Variants in FLI1 observed in about 807,000 individuals in gnomAD.
The protein encoded by FLI1 is Friend leukemia integration 1 transcription factor.
In FLI1, 13 loss-of-function variants were observed where a neutral mutation model predicts 53.1. That is an observed-to-expected ratio of 0.24 (90% CI 0.16 to 0.39). The LOEUF is 0.39. FLI1 is among the 10% of genes least tolerant of loss of function. FLI1 has a pLI of 1.00. For missense variants in FLI1, 424 were observed against 600.5 expected, an observed-to-expected ratio of 0.71 and a Z score of 3.07; for synonymous variants, 244 against 236.7, an observed-to-expected ratio of 1.03 and a Z score of -0.28.
At chr11:128,722,493 A>T (rs553731614) in intron 1 of FLI1, among the ~76,000 whole-genome samples, 11 of 152,266 alleles carry the variant, frequency 7.2e-5, no homozygotes, top group African/African-American at 2.4e-4. Flanking sequence ...GCCAGCAAAC[A>T]CTGCAGGATT....
intron 2 of FLI1, among the ~76,000 whole-genome samples, chr11:128,763,021 G>A (rs894834248): frequency 1.3e-5 from 2 of 152,102 alleles, no homozygotes; most frequent in Non-Finnish European, 2.9e-5. Context: ...GGACAGTGCT[G>A]GGCCATGGTG....
chr11:128,686,738 C>T, intron 1 of FLI1: 1 of 319,424 alleles, frequency 3.1e-6, no homozygotes, highest in East Asian at 8.5e-5. Flanking sequence ...GGTGATGACC[C>T]CCAGCTTCTA....
chr11:128,792,652 G>A (rs560428176), intron 5 of FLI1, among the ~76,000 whole-genome samples: 6 of 145,172 alleles, frequency 4.1e-5, no homozygotes, highest in Admixed American at 2.7e-4. Context: ...AGCATCATTT[G>A]TGGTGGTTTC....
chr11:128,723,398 G>T (rs1939337844), intron 1 of FLI1, among the ~76,000 whole-genome samples: 1 of 152,162 alleles, frequency 6.6e-6, no homozygotes, highest in Non-Finnish European at 1.5e-5. Flanking sequence ...GTCTCCAGGT[G>T]ATGAGTCAAT....
chr11:128,691,074 C>T (rs1027775150), upstream of FLI1, among the ~76,000 whole-genome samples: 2 of 152,136 alleles, frequency 1.3e-5, no homozygotes, highest in Admixed American at 6.6e-5. Context: ...GAGGTCTGCC[C>T]CACTAACACA....
chr11:128,720,011 T>G (rs1344241533), intron 1 of FLI1, among the ~76,000 whole-genome samples: 1 of 152,200 alleles, frequency 6.6e-6, no homozygotes, highest in Non-Finnish European at 1.5e-5. Context: ...GTATAAAATT[T>G]AAAACGTATA....
chr11:128,686,478 C>G (rs1308979594), upstream of FLI1: 1 of 456,478 alleles, frequency 2.2e-6, no homozygotes. Context: ...TGCTCAACAC[C>G]CAACCACTCG....
intron 3 of FLI1, among the ~76,000 whole-genome samples, chr11:128,770,808 C>T (rs1029984622): frequency 6.6e-6 from 1 of 152,184 alleles, no homozygotes; most frequent in African/African-American, 2.4e-5. Flanking sequence ...AAATTATTTC[C>T]ATTTGCCAAT....
intron 1 of FLI1, among the ~76,000 whole-genome samples, chr11:128,698,517 G>A (rs1938183110): frequency 6.6e-6 from 1 of 152,140 alleles, no homozygotes; most frequent in African/African-American, 2.4e-5. Flanking sequence ...CTTTATGGGT[G>A]GGGAAACTGA....
At chr11:128,791,016 T>G (rs1308155075) in intron 5 of FLI1, among the ~76,000 whole-genome samples, 1 of 151,946 alleles carries the variant, frequency 6.6e-6, no homozygotes, top group African/African-American at 2.4e-5. Context: ...TCCTGGGGTT[T>G]CTTTTAATTA....
intron 1 of FLI1, among the ~76,000 whole-genome samples, chr11:128,713,385 T>G (rs956794923): frequency 1.3e-5 from 2 of 152,376 alleles, no homozygotes; most frequent in African/African-American, 4.8e-5. Flanking sequence ...TGTTGTTTTT[T>G]CAAATTGCAT....
chr11:128,758,683 G>T (rs920910657), intron 2 of FLI1, among the ~76,000 whole-genome samples: 3 of 152,244 alleles, frequency 2.0e-5, no homozygotes, highest in Admixed American at 1.3e-4. Context: ...TCCCTGTCCT[G>T]TTGAAGATAC....
intron 1 of FLI1, among the ~76,000 whole-genome samples, chr11:128,730,235 T>G (rs1256350118): frequency 6.6e-6 from 1 of 152,212 alleles, no homozygotes; most frequent in Non-Finnish European, 1.5e-5. Flanking sequence ...TCTCATTCCA[T>G]CCTCACAACC....
intron 8 of FLI1, among the ~76,000 whole-genome samples, chr11:128,809,746 C>T (rs12574335): frequency 0.064 from 9,724 of 152,264 alleles, 460 homozygotes; most frequent in East Asian, 0.17. Context: ...CCAAGTCCAT[C>T]GAGATTGGGA....
intron 2 of FLI1, among the ~76,000 whole-genome samples, chr11:128,760,884 C>T (rs1034282004): frequency 6.6e-6 from 1 of 152,094 alleles, no homozygotes; most frequent in Admixed American, 6.6e-5. Flanking sequence ...ACCTCCACTG[C>T]CCCTGCCTGG....
rs1029555320 is a variant in FLI1, at chr11:128,728,101, C to T, written c.19-30014C>T. On this transcript the variant is annotated intron_variant, in intron 1 of 8. Coordinates refer to ENST00000527786, the MANE Select transcript of FLI1 (RefSeq NM_002017.5). ...CCTTGGGCCTTCAGCAGAGTAGCTC[C>T]GCTTTAAGAGGAATCACAGGGTGCA... Among the ~76,000 whole-genome samples, 4 of 152,358 alleles carry T rather than the reference C, an allele frequency of 2.6e-5. No homozygotes were observed. In the East Asian group the frequency reaches 7.7e-4, roughly 29 times the overall value.
At chr11:128,782,835 A>T (rs1448005906) in intron 5 of FLI1, among the ~76,000 whole-genome samples, 1 of 152,220 alleles carries the variant, frequency 6.6e-6, no homozygotes, top group African/African-American at 2.4e-5. Flanking sequence ...ACACGTCACA[A>T]TAGAATTCCT....
intron 1 of FLI1, among the ~76,000 whole-genome samples, chr11:128,742,063 T>G (rs756996329): frequency 3.9e-5 from 6 of 152,240 alleles, no homozygotes; most frequent in Non-Finnish European, 7.3e-5. Flanking sequence ...TCTCCTTTCC[T>G]GTCGTCACTT....
chr11:128,737,959 C>T (rs1939976828), intron 1 of FLI1, among the ~76,000 whole-genome samples: 1 of 152,210 alleles, frequency 6.6e-6, no homozygotes, highest in African/African-American at 2.4e-5. Context: ...TCCCCAAATT[C>T]AAGACTCCCA....
Sources: gnomAD v4.1 joint callset for allele counts (sites outside exome capture counted in the v4.1 genomes callset) on GRCh38, gnomAD v4.1.1 for gene constraint, MANE v1.5 for transcripts, NCBI Gene and HGNC (gene_info 2026-07-23, HGNC 2026-07-21) for gene names.